EXT1: variants seen among roughly 807,000 people sequenced by gnomAD.
EXT1 encodes exostosin glycosyltransferase 1, also known as exostosin-1.
In EXT1, 20 loss-of-function variants were observed where a neutral mutation model predicts 82.5. That is an observed-to-expected ratio of 0.24 (90% CI 0.17 to 0.35). EXT1 has a LOEUF of 0.35. Ranked by LOEUF, EXT1 falls within the 10% of genes least tolerant of loss-of-function variation. The probability of loss-of-function intolerance (pLI) is 1.00; values close to 1 mark genes in which losing one functional copy is unlikely to be tolerated. For missense variants in EXT1, 757 were observed against 936.5 expected (o/e 0.81, Z 2.50); for synonymous variants, 348 against 350.8 (o/e 0.99, Z 0.09).
chr8:117,828,961 G>A (rs149098032), intron 4 of EXT1, among the ~76,000 whole-genome samples: 35 of 152,242 alleles, frequency 2.3e-4, no homozygotes, highest in African/African-American at 4.8e-4. Context: ...AGAAAACAGC[G>A]ATGTGGACCA....
chr8:117,891,885 C>T (rs1044929833), intron 1 of EXT1, among the ~76,000 whole-genome samples: 2 of 146,164 alleles, frequency 1.4e-5, no homozygotes, highest in African/African-American at 5.1e-5. Context: ...CGGCTCACTG[C>T]TACCTCTGCC....
At chr8:118,034,930 C>T (rs537880735) in intron 1 of EXT1, among the ~76,000 whole-genome samples, 2 of 152,166 alleles carry the variant, frequency 1.3e-5, no homozygotes, top group South Asian at 4.2e-4. Context: ...GGAAACCAAC[C>T]CCTATAGGTA....
At chr8:118,003,774 C>G (rs1332033216) in intron 1 of EXT1, among the ~76,000 whole-genome samples, 1 of 152,042 alleles carries the variant, frequency 6.6e-6, no homozygotes, top group Admixed American at 6.6e-5. Context: ...TCTTTTTAAG[C>G]CCAGAGAAAA....
At chr8:118,078,023 G>A (rs560237348) in intron 1 of EXT1, among the ~76,000 whole-genome samples, 1 of 152,226 alleles carries the variant, frequency 6.6e-6, no homozygotes, top group South Asian at 2.1e-4. Context: ...TTATTCAGGT[G>A]TACCTCCCTA....
At chr8:117,911,808 T>C (rs1813652915) in intron 1 of EXT1, among the ~76,000 whole-genome samples, 1 of 152,196 alleles carries the variant, frequency 6.6e-6, no homozygotes, top group Non-Finnish European at 1.5e-5. Context: ...CATGACACTT[T>C]ATTCTAGTAC....
chr8:117,838,176 A>G (rs1587004792), intron 1 of EXT1, among the ~76,000 whole-genome samples: 2 of 152,232 alleles, frequency 1.3e-5, no homozygotes. Flanking sequence ...CCCGATTCTT[A>G]GAGCCAAGAT....
chr8:117,930,000 T>G (rs1296416072), intron 1 of EXT1, among the ~76,000 whole-genome samples: 1 of 151,800 alleles, frequency 6.6e-6, no homozygotes, highest in African/African-American at 2.4e-5. Flanking sequence ...CCCAGCTACT[T>G]GGGAGGCTGA....
At chr8:118,099,695 G>C (rs1273738091) in intron 1 of EXT1, among the ~76,000 whole-genome samples, 1 of 152,152 alleles carries the variant, frequency 6.6e-6, no homozygotes, top group Non-Finnish European at 1.5e-5. Flanking sequence ...GATAAAATGG[G>C]TATCTTCCTG....
intron 1 of EXT1, among the ~76,000 whole-genome samples, chr8:117,842,558 G>C (rs1401644394): frequency 6.6e-6 from 1 of 152,142 alleles, no homozygotes; most frequent in African/African-American, 2.4e-5. Context: ...AAATGGCAAA[G>C]CACTATGCAA....
At chr8:117,994,481 C>G (rs1815496528) in intron 1 of EXT1, among the ~76,000 whole-genome samples, 1 of 152,134 alleles carries the variant, frequency 6.6e-6, no homozygotes, top group Non-Finnish European at 1.5e-5. Flanking sequence ...CATGGTGATA[C>G]ACGTCTGTAG....
At chr8:117,869,067 CT>C (rs1385432788) in intron 1 of EXT1, among the ~76,000 whole-genome samples, 1 of 152,180 alleles carries the variant, frequency 6.6e-6, no homozygotes, top group Non-Finnish European at 1.5e-5. Flanking sequence ...TGTGTTCTGC[CT>C]GGCGGGCTGG....
intron 1 of EXT1, 29 bp from the exon 2 acceptor site, chr8:117,837,230 A>AGTCTTCATTTGC: frequency 1.3e-6 from 2 of 1,541,310 alleles, no homozygotes; most frequent in Non-Finnish European, 1.8e-6. Flanking sequence ...TAAACAGCAA[A>AGTCTTCATTTGC]TGAAGACTCA....
chr8:117,958,428 A>T (rs2129711399), intron 1 of EXT1, among the ~76,000 whole-genome samples: 1 of 152,354 alleles, frequency 6.6e-6, no homozygotes, highest in East Asian at 1.9e-4. Flanking sequence ...CTCACATTTG[A>T]ATTAAATGTG....
At chr8:117,900,036 T>C (rs1175825448) in intron 1 of EXT1, among the ~76,000 whole-genome samples, 2 of 152,126 alleles carry the variant, frequency 1.3e-5, no homozygotes, top group Non-Finnish European at 2.9e-5. Flanking sequence ...TTTGCCGAGG[T>C]GACTACACGG....
intron 1 of EXT1, among the ~76,000 whole-genome samples, chr8:118,042,429 C>T (rs113347232): frequency 0.012 from 1,897 of 152,114 alleles, 22 homozygotes; most frequent in Middle Eastern, 0.037. Flanking sequence ...TGAGTAGCTG[C>T]GATTACAGGC....
At chr8:117,865,787 C>T (rs1012627516) in intron 1 of EXT1, among the ~76,000 whole-genome samples, 3 of 152,090 alleles carry the variant, frequency 2.0e-5, no homozygotes, top group Non-Finnish European at 4.4e-5. Flanking sequence ...TCTAGGTTGA[C>T]AAATATTTAC....
intron 1 of EXT1, among the ~76,000 whole-genome samples, chr8:117,986,112 C>G (rs989272231): frequency 2.0e-5 from 3 of 151,880 alleles, no homozygotes; most frequent in African/African-American, 7.3e-5. Flanking sequence ...TGTATGTAAC[C>G]CTAAGTATTC....
chr8:118,012,100 T>C (rs1285084496), intron 1 of EXT1, among the ~76,000 whole-genome samples: 1 of 152,220 alleles, frequency 6.6e-6, no homozygotes, highest in Non-Finnish European at 1.5e-5. Context: ...GTCTCCTTTC[T>C]TTAAAGTGCT....
At chr8:118,054,640 G>A (rs1205031909) in intron 1 of EXT1, among the ~76,000 whole-genome samples, 1 of 152,150 alleles carries the variant, frequency 6.6e-6, no homozygotes, top group African/African-American at 2.4e-5. Flanking sequence ...CTAAGAGAAG[G>A]TAAAGGAGTT....
Sources: gnomAD v4.1 joint callset for allele counts (sites outside exome capture counted in the v4.1 genomes callset) on GRCh38, gnomAD v4.1.1 for gene constraint, MANE v1.5 for transcripts, NCBI Gene and HGNC (gene_info 2026-07-23, HGNC 2026-07-21) for gene names.